Variants in CPQ observed in about 807,000 individuals in gnomAD.
CPQ encodes Ser-Met dipeptidase.
In CPQ, 37 loss-of-function variants were observed where a neutral mutation model predicts 45.7. The observed-to-expected ratio is 0.81, with a 90% CI of 0.62 to 1.07. CPQ has a LOEUF of 1.07. CPQ is among the 50% of genes least tolerant of loss of function. The probability of loss-of-function intolerance (pLI) is 0.00; values close to 1 mark genes in which losing one functional copy is unlikely to be tolerated. For synonymous variants in CPQ, 186 were observed against 205.8 expected (o/e 0.90, Z 0.82); for missense variants, 537 against 572.9 (o/e 0.94, Z 0.64).
At chr8:97,057,801 G>T (rs942884606) in intron 6 of CPQ, among the ~76,000 whole-genome samples, 1 of 152,074 alleles carries the variant, frequency 6.6e-6, no homozygotes, top group Non-Finnish European at 1.5e-5. Context: ...CAGGAGCAAG[G>T]CAGGCATTTA....
intron 3 of CPQ, among the ~76,000 whole-genome samples, chr8:96,840,006 C>G (rs552902218): frequency 6.6e-6 from 1 of 152,262 alleles, no homozygotes; most frequent in East Asian, 1.9e-4. Context: ...AACTCAGTCT[C>G]TGGCTCTAAC....
chr8:96,784,148 A>C (rs2130808043), intron 1 of CPQ, among the ~76,000 whole-genome samples: 1 of 152,004 alleles, frequency 6.6e-6, no homozygotes, highest in Admixed American at 6.6e-5. Context: ...TCTGACACAC[A>C]GCATGCACTA....
intron 1 of CPQ, among the ~76,000 whole-genome samples, chr8:96,663,386 A>G (rs1233190662): frequency 6.6e-6 from 1 of 152,206 alleles, no homozygotes; most frequent in Non-Finnish European, 1.5e-5. Flanking sequence ...TTGTTTCCTC[A>G]GCTGACCTGT....
At chr8:96,936,776 C>G (rs941520662) in intron 4 of CPQ, among the ~76,000 whole-genome samples, 1 of 152,160 alleles carries the variant, frequency 6.6e-6, no homozygotes, top group South Asian at 2.1e-4. Flanking sequence ...TTTCTTCTCA[C>G]AATTTTATCA....
chr8:96,855,805 G>A (rs1480641850), intron 3 of CPQ, among the ~76,000 whole-genome samples: 1 of 152,212 alleles, frequency 6.6e-6, no homozygotes, highest in Non-Finnish European at 1.5e-5. Context: ...ATGCATTAGA[G>A]TGTTGATTTG....
chr8:96,824,574 C>G (rs1207351781), intron 2 of CPQ, among the ~76,000 whole-genome samples: 1 of 151,896 alleles, frequency 6.6e-6, no homozygotes, highest in Admixed American at 6.6e-5. Flanking sequence ...GACTCCATGA[C>G]AAAATTGTAT....
chr8:96,704,737 C>G (rs767839419), intron 1 of CPQ, among the ~76,000 whole-genome samples: 7 of 152,066 alleles, frequency 4.6e-5, no homozygotes, highest in Non-Finnish European at 1.0e-4. Context: ...TAAAGAACTA[C>G]AAACAGGAAA....
chr8:96,932,501 C>A (rs574740582), intron 4 of CPQ, among the ~76,000 whole-genome samples: 2 of 152,146 alleles, frequency 1.3e-5, no homozygotes, highest in Non-Finnish European at 2.9e-5. Context: ...TTTAATTATA[C>A]GAACTAGAGT....
intron 1 of CPQ, among the ~76,000 whole-genome samples, chr8:96,712,745 T>C (rs560899157): frequency 9.9e-5 from 15 of 151,692 alleles, no homozygotes; most frequent in African/African-American, 3.4e-4. Context: ...GCCTCTGGGC[T>C]TGTAATAGTA....
At chr8:97,052,977 A>T (rs185357070) in intron 6 of CPQ, among the ~76,000 whole-genome samples, 110 of 152,302 alleles carry the variant, frequency 7.2e-4, no homozygotes, top group Middle Eastern at 3.4e-3. Flanking sequence ...TTTCTTGAGA[A>T]CATTTTTTTA....
intron 7 of CPQ, among the ~76,000 whole-genome samples, chr8:97,129,941 T>G (rs1418260836): frequency 6.6e-6 from 1 of 152,180 alleles, no homozygotes; most frequent in Non-Finnish European, 1.5e-5. Flanking sequence ...TCCAAAATCC[T>G]TCTACGCAAG....
At chr8:96,685,247 A>T (rs1473546804) in intron 1 of CPQ, among the ~76,000 whole-genome samples, 1 of 152,092 alleles carries the variant, frequency 6.6e-6, no homozygotes, top group African/African-American at 2.4e-5. Flanking sequence ...TATTTTTATT[A>T]GTCAAATTTA....
At chr8:96,791,137 A>G (rs1810840561) in intron 2 of CPQ, among the ~76,000 whole-genome samples, 1 of 152,182 alleles carries the variant, frequency 6.6e-6, no homozygotes, top group African/African-American at 2.4e-5. Context: ...ACCAGACTCC[A>G]AGAGGTTATG....
At chr8:97,007,766 T>C (rs1264023069) in intron 5 of CPQ, among the ~76,000 whole-genome samples, 1 of 152,188 alleles carries the variant, frequency 6.6e-6, no homozygotes, top group Non-Finnish European at 1.5e-5. Context: ...GGAGAAATTG[T>C]TATTGCTCAT....
Position 96,949,972 on chromosome 8 carries a change from C to T in CPQ, c.850-15963C>T, listed in dbSNP as rs950799708. 1.8e-4 allele frequency among the ~76,000 whole-genome samples: 28 copies of T among 152,154 alleles called. 1 individual carries two copies. The highest frequency in any genetic ancestry group is 6.2e-4 in the South Asian group (3 of 4,822). ...TTTTATGTTTCATCTTTAATTATCA[C>T]GTTTGGAATAGGAGGAGTTTTATAA... is the stretch of plus-strand genomic sequence containing the variant. On this transcript the variant is annotated intron_variant, in intron 4 of 7. Transcript: ENST00000220763.
chr8:97,071,052 A>AT (rs1383468082), intron 7 of CPQ, among the ~76,000 whole-genome samples: 1 of 152,178 alleles, frequency 6.6e-6, no homozygotes. Context: ...CTCTTACTCT[A>AT]TATCTGCCAA....
At chr8:97,049,626 T>A (rs1035106794) in intron 6 of CPQ, among the ~76,000 whole-genome samples, 5 of 152,216 alleles carry the variant, frequency 3.3e-5, no homozygotes, top group African/African-American at 1.2e-4. Flanking sequence ...CTCCATTTCT[T>A]TGATTTAAGG....
intron 3 of CPQ, among the ~76,000 whole-genome samples, chr8:96,879,250 T>C (rs1563519298): frequency 1.3e-5 from 2 of 152,236 alleles, no homozygotes; most frequent in South Asian, 4.1e-4. Context: ...CTTTTCTTTA[T>C]GAGAATAGGA....
intron 1 of CPQ, among the ~76,000 whole-genome samples, chr8:96,769,032 C>A (rs542531732): frequency 6.6e-6 from 1 of 152,306 alleles, no homozygotes; most frequent in African/African-American, 2.4e-5. Flanking sequence ...ATATCTCCAA[C>A]TTTATAGTTT....
Sources: gnomAD v4.1 joint callset for allele counts (sites outside exome capture counted in the v4.1 genomes callset) on GRCh38, gnomAD v4.1.1 for gene constraint, MANE v1.5 for transcripts, NCBI Gene and HGNC (gene_info 2026-07-23, HGNC 2026-07-21) for gene names.